Variants in FAM135B observed in about 807,000 individuals in gnomAD.
The protein encoded by FAM135B is protein FAM135B.
A neutral mutation model predicts 127.7 loss-of-function variants in FAM135B; 43 were observed. The observed-to-expected ratio is 0.34, with a 90% CI of 0.26 to 0.43. FAM135B has a LOEUF of 0.43. FAM135B is among the 20% of genes least tolerant of loss of function. The pLI is 1.00. For missense variants in FAM135B, 1,558 were observed against 1,725.6 expected (o/e 0.90, Z 1.72); for synonymous variants, 670 against 665.1 (o/e 1.01, Z -0.11).
At chr8:138,206,287 ACAGCTCTATCATCCCCTCCACCTACC>A (rs2129716286) in intron 7 of FAM135B, among the ~76,000 whole-genome samples, 4 of 151,258 alleles carry the variant, frequency 2.6e-5, no homozygotes, top group East Asian at 2.0e-4. Context: ...CCACCTACGC[ACAGCTCTATCATCCCCTCCACCTACC>A]CACAGCTCTA....
intron 9 of FAM135B, among the ~76,000 whole-genome samples, chr8:138,183,573 A>C (rs2131023206): frequency 6.6e-6 from 1 of 152,326 alleles, no homozygotes; most frequent in African/African-American, 2.4e-5. Context: ...TTAAACTCAC[A>C]GGATATACCT....
intron 2 of FAM135B, among the ~76,000 whole-genome samples, chr8:138,363,215 G>A (rs1467157426): frequency 6.6e-6 from 1 of 152,170 alleles, no homozygotes; most frequent in African/African-American, 2.4e-5. Flanking sequence ...GTTAATGACA[G>A]GTTAGAGACA....
chr8:138,251,340 C>T (rs1261369582), intron 5 of FAM135B, among the ~76,000 whole-genome samples: 1 of 152,106 alleles, frequency 6.6e-6, no homozygotes, highest in African/African-American at 2.4e-5. Context: ...ATTGAAGCCT[C>T]CTACTTTTTC....
intron 1 of FAM135B, among the ~76,000 whole-genome samples, chr8:138,387,243 A>G (rs1430143993): frequency 6.6e-6 from 1 of 152,170 alleles, no homozygotes; most frequent in Non-Finnish European, 1.5e-5. Context: ...AGAGCAGGCC[A>G]GACTTCTTAA....
intron 7 of FAM135B, among the ~76,000 whole-genome samples, chr8:138,239,677 C>T (rs1447219093): frequency 6.6e-6 from 1 of 152,184 alleles, no homozygotes; most frequent in African/African-American, 2.4e-5. Context: ...ATAAATCATG[C>T]TGCTATAAAG....
intron 3 of FAM135B, among the ~76,000 whole-genome samples, chr8:138,284,898 T>A (rs1036013500): frequency 6.6e-5 from 10 of 151,994 alleles, no homozygotes; most frequent in African/African-American, 2.2e-4. Context: ...CTCAAACAGA[T>A]CTAATACACT....
chr8:138,245,277 C>G (rs1006043761), intron 6 of FAM135B, among the ~76,000 whole-genome samples: 2 of 152,072 alleles, frequency 1.3e-5, no homozygotes, highest in African/African-American at 4.8e-5. Context: ...TATCAGGGAC[C>G]CCATTATAAA....
rs541147906 is a variant in FAM135B, at chr8:138,241,924, C to A, written c.669+1018G>T. Among the ~76,000 whole-genome samples, 10 of 152,238 alleles carry A rather than the reference C, an allele frequency of 6.6e-5. No homozygotes were observed. The highest frequency in any genetic ancestry group is 5.2e-4 in the Admixed American group (8 of 15,284). On this transcript the variant is annotated intron_variant, in intron 7 of 19. Coordinates refer to ENST00000395297, the MANE Select transcript of FAM135B (RefSeq NM_015912.4). This position sits in a 1 kb window ranked among gnomAD's most constrained non-coding sequence, Gnocchi z 4.8. ...TGAGGGCCTGAATAGGACAAAAAGA[C>A]TGAGTGAGAGAAAACTGTCTCTCTT... is the stretch of plus-strand genomic sequence containing the variant.
At chr8:138,164,998 T>C (rs991960248) in intron 12 of FAM135B, among the ~76,000 whole-genome samples, 3 of 152,164 alleles carry the variant, frequency 2.0e-5, no homozygotes, top group African/African-American at 7.2e-5. Flanking sequence ...TCCAGGGCAC[T>C]GACGTGAGAG....
At chr8:138,354,538 T>G (rs1829969649) in intron 2 of FAM135B, among the ~76,000 whole-genome samples, 1 of 152,164 alleles carries the variant, frequency 6.6e-6, no homozygotes, top group African/African-American at 2.4e-5. Flanking sequence ...CATCAACATC[T>G]TGTCCATGTT....
rs190591082 is a variant in FAM135B at position 138,197,277 on chromosome 8, T to C, written c.823+239A>G. On this transcript the variant is annotated intron_variant, in intron 8 of 19. Coordinates refer to ENST00000395297, the MANE Select transcript of FAM135B (RefSeq NM_015912.4). ...AGGTGTGTAATAGGTACTCAATAGATGTCTGGCAGATGAATGCATGAGTGA... is the reference window on the plus strand; with the variant it reads ...AGGTGTGTAATAGGTACTCAATAGACGTCTGGCAGATGAATGCATGAGTGA... 3.5e-3 allele frequency among the ~76,000 whole-genome samples: 528 copies of C among 152,322 alleles called. 3 individuals are homozygous for C. The highest frequency in any genetic ancestry group is 0.012 in the African/African-American group (505 of 41,574).
chr8:138,364,250 G>A (rs1830608095), intron 2 of FAM135B, among the ~76,000 whole-genome samples: 1 of 152,122 alleles, frequency 6.6e-6, no homozygotes, highest in Non-Finnish European at 1.5e-5. Flanking sequence ...GATCATGCCT[G>A]TCAGGAACAC....
At chr8:138,444,243 G>A (rs1374771763) in intron 1 of FAM135B, among the ~76,000 whole-genome samples, 1 of 152,188 alleles carries the variant, frequency 6.6e-6, no homozygotes, top group Non-Finnish European at 1.5e-5. Context: ...ACAGGTCAAC[G>A]AGACAGAAAG....
intron 3 of FAM135B, among the ~76,000 whole-genome samples, chr8:138,275,934 T>C (rs537995169): frequency 2.0e-5 from 3 of 152,144 alleles, no homozygotes; most frequent in East Asian, 1.9e-4. Context: ...CACAGAGAAC[T>C]TGGCAGTGGG....
intron 1 of FAM135B, among the ~76,000 whole-genome samples, chr8:138,454,885 T>C (rs1255990429): frequency 2.6e-5 from 4 of 152,224 alleles, no homozygotes. Flanking sequence ...CTGTCCACAG[T>C]TTCTCACCTT....
rs1828784666 is a variant in FAM135B, at chr8:138,338,463, A to C, written c.78-27543T>G. Among the ~76,000 whole-genome samples, 3 of 152,014 alleles carry C rather than the reference A, an allele frequency of 2.0e-5. No homozygotes were observed. The South Asian group carries it at 6.2e-4, about 31-fold the overall frequency. The stretch of plus-strand genomic sequence containing the variant: ...AAGTGGGCAAAGGATATAAACAGAC[A>C]CTTCTCAAAAGAAGACATTTATGCA... On this transcript the variant is annotated intron_variant, in intron 2 of 19. Coordinates refer to ENST00000395297, the MANE Select transcript of FAM135B (RefSeq NM_015912.4).
At chr8:138,294,524 A>G (rs1004971601) in intron 3 of FAM135B, among the ~76,000 whole-genome samples, 1 of 152,230 alleles carries the variant, frequency 6.6e-6, no homozygotes, top group African/African-American at 2.4e-5. Flanking sequence ...CATTCATAAG[A>G]AATGACATTG....
intron 2 of FAM135B, among the ~76,000 whole-genome samples, chr8:138,317,044 C>G (rs1042120991): frequency 1.3e-5 from 2 of 150,546 alleles, no homozygotes; most frequent in Non-Finnish European, 2.9e-5. Context: ...CTAGGCATTT[C>G]TCTTAGAGAA....
intron 7 of FAM135B, among the ~76,000 whole-genome samples, chr8:138,227,443 T>G (rs1819546028): frequency 6.6e-6 from 1 of 152,204 alleles, no homozygotes; most frequent in African/African-American, 2.4e-5. Flanking sequence ...TCCAGAATTT[T>G]TTACTCCAAT....
Sources: gnomAD v4.1 joint callset for allele counts (sites outside exome capture counted in the v4.1 genomes callset) on GRCh38, gnomAD v4.1.1 for gene constraint, Gnocchi (gnomAD v3.1) non-coding constraint, MANE v1.5 for transcripts, NCBI Gene and HGNC (gene_info 2026-07-23, HGNC 2026-07-21) for gene names.